BRD10: variants seen among roughly 807,000 people sequenced by gnomAD.
The protein encoded by BRD10 is uncharacterized bromodomain-containing protein 10.
the BRD10 span, chr9:5,953,911 A>C: frequency 1.4e-6 from 1 of 700,048 alleles, no homozygotes; most frequent in African/African-American, 1.8e-5. Flanking sequence ...TTTCATTACA[A>C]GTAAGTGTGC....
the BRD10 span, chr9:5,919,943 G>C: frequency 1.6e-4 from 257 of 1,613,890 alleles, no homozygotes; most frequent in Non-Finnish European, 1.9e-4. Context: ...AGAAACCAAA[G>C]ATGTCTTAGC....
the BRD10 span, among the ~76,000 whole-genome samples, chr9:5,958,618 T>C: frequency 6.6e-6 from 1 of 152,044 alleles, no homozygotes; most frequent in African/African-American, 2.4e-5. Context: ...AGATCCTGTC[T>C]CTCAGGGAGG....
the BRD10 span, among the ~76,000 whole-genome samples, chr9:5,913,319 G>A: frequency 8.8e-4 from 134 of 152,300 alleles, no homozygotes; most frequent in African/African-American, 3.1e-3. Flanking sequence ...CTCAAAAAAA[G>A]AACAGAAGGG....
chr9:6,007,334 C>A, the BRD10 span: 1 of 1,613,746 alleles, frequency 6.2e-7, no homozygotes, highest in Non-Finnish European at 8.5e-7. Flanking sequence ...GTGATGCCCC[C>A]GTACTGGCCG....
At chr9:5,944,286 GAATA>G in the BRD10 span, among the ~76,000 whole-genome samples, 9 of 151,774 alleles carry the variant, frequency 5.9e-5, no homozygotes, top group African/African-American at 1.5e-4. Flanking sequence ...AGTATCAGGT[GAATA>G]AATATATGCC....
the BRD10 span, among the ~76,000 whole-genome samples, chr9:5,940,243 G>C: frequency 3.9e-5 from 6 of 152,018 alleles, no homozygotes; most frequent in African/African-American, 1.4e-4. Flanking sequence ...GTACAATCTT[G>C]AGCACAGTGG....
At chr9:5,902,879 T>G in the BRD10 span, among the ~76,000 whole-genome samples, 1 of 152,172 alleles carries the variant, frequency 6.6e-6, no homozygotes, top group African/African-American at 2.4e-5. Flanking sequence ...TTTAATTTGC[T>G]GTTCTCTTTA....
chr9:5,972,996 T>A, the BRD10 span, among the ~76,000 whole-genome samples: 1 of 151,838 alleles, frequency 6.6e-6, no homozygotes, highest in Admixed American at 6.5e-5. Flanking sequence ...AAAAACACAA[T>A]CTAAAGGAAA....
chr9:5,989,193 C>G, the BRD10 span, among the ~76,000 whole-genome samples: 1 of 138,366 alleles, frequency 7.2e-6, no homozygotes, highest in Non-Finnish European at 1.5e-5. Flanking sequence ...GATCACATCA[C>G]TGCACTCCAG....
At chr9:5,957,680 T>G in the BRD10 span, among the ~76,000 whole-genome samples, 1 of 152,130 alleles carries the variant, frequency 6.6e-6, no homozygotes, top group East Asian at 1.9e-4. Context: ...TTATTAGGGT[T>G]GGATGATTTG....
the BRD10 span, among the ~76,000 whole-genome samples, chr9:5,943,372 A>G: frequency 6.6e-6 from 1 of 152,180 alleles, no homozygotes; most frequent in East Asian, 1.9e-4. Flanking sequence ...AATAAAAGTT[A>G]TGTTTAACTG....
At chr9:5,894,285 G>C in the BRD10 span, among the ~76,000 whole-genome samples, 1 of 152,120 alleles carries the variant, frequency 6.6e-6, no homozygotes, top group Non-Finnish European at 1.5e-5. This position sits in a 1 kb window ranked among gnomAD's most constrained non-coding sequence, Gnocchi z 4.0. Context: ...TCAGGGTCTA[G>C]TCAGGAAGAA....
chr9:5,921,027 C>T, the BRD10 span: 112 of 1,613,846 alleles, frequency 6.9e-5, no homozygotes, highest in East Asian at 1.9e-3. Flanking sequence ...AAATTTGCTC[C>T]GGTAACTGAA....
At chr9:5,920,468 G>C in the BRD10 span, 2 of 1,613,900 alleles carry the variant, frequency 1.2e-6, no homozygotes, top group Non-Finnish European at 1.7e-6. Context: ...ACCTGGAGCA[G>C]AACTGTAACT....
the BRD10 span, among the ~76,000 whole-genome samples, chr9:6,001,652 T>C: frequency 1.3e-5 from 2 of 152,230 alleles, no homozygotes; most frequent in Admixed American, 1.3e-4. Flanking sequence ...ATAGTTCAAA[T>C]AATTGTTCAA....
the BRD10 span, among the ~76,000 whole-genome samples, chr9:5,976,740 T>C: frequency 6.7e-6 from 1 of 150,284 alleles, no homozygotes; most frequent in Non-Finnish European, 1.5e-5. Flanking sequence ...GTAGAATAGA[T>C]GTGAAGAGTC....
chr9:5,914,507 T>C, the BRD10 span, among the ~76,000 whole-genome samples: 1 of 129,832 alleles, frequency 7.7e-6, no homozygotes, highest in African/African-American at 2.9e-5. Context: ...CACTGCAAGC[T>C]CCGCCTCCCG....
chr9:5,989,261 A>AAT, the BRD10 span, among the ~76,000 whole-genome samples: 1 of 132,144 alleles, frequency 7.6e-6, no homozygotes, highest in Non-Finnish European at 1.6e-5. Flanking sequence ...AAAAAAAAAA[A>AAT]ATCCAAAAAT....
chr9:5,969,582 C>A, the BRD10 span: 3 of 635,402 alleles, frequency 4.7e-6, no homozygotes, highest in African/African-American at 3.7e-5. Context: ...CTCGCTCTGT[C>A]CCCCAGGCTG....
Sources: allele counts gnomAD v4.1 joint callset (sites outside exome capture counted in the v4.1 genomes callset), GRCh38; gene constraint gnomAD v4.1.1; non-coding constraint Gnocchi (gnomAD v3.1); transcripts MANE v1.5; gene names NCBI Gene and HGNC (gene_info 2026-07-23, HGNC 2026-07-21).